The following TENM3 variants were observed in gnomAD, a reference collection of about 807,000 sequenced individuals.
The protein encoded by TENM3 is teneurin-3.
Under a neutral mutation model 255.1 loss-of-function variants are expected in TENM3, and 63 were observed. The observed-to-expected ratio is 0.25, with a 90% CI of 0.20 to 0.30. The LOEUF is 0.30. Among genes scored for constraint, TENM3 ranks in the 10% least tolerant of loss-of-function variants. TENM3 has a pLI of 1.00. For missense variants in TENM3, 2,929 were observed against 3,461.1 expected, an observed-to-expected ratio of 0.85 and a Z score of 3.86; for synonymous variants, 1,306 against 1,322.3, an observed-to-expected ratio of 0.99 and a Z score of 0.27.
chr4:182,344,738 A>T (rs1764690551), intron 2 of TENM3, among the ~76,000 whole-genome samples: 1 of 152,136 alleles, frequency 6.6e-6, no homozygotes, highest in South Asian at 2.1e-4. Flanking sequence ...ATTATTTTGC[A>T]TCCTTATTTT....
chr4:181,896,620 G>T, the TENM3 span, among the ~76,000 whole-genome samples: 2 of 152,196 alleles, frequency 1.3e-5, no homozygotes, highest in African/African-American at 4.8e-5. Flanking sequence ...ACACACATGA[G>T]AAATGAGGAT....
At chr4:182,286,639 C>T (rs551805170) in intron 1 of TENM3, among the ~76,000 whole-genome samples, 41 of 152,280 alleles carry the variant, frequency 2.7e-4, no homozygotes, top group African/African-American at 8.4e-4. Flanking sequence ...CAATTGTTGA[C>T]ACTTCTCAGA....
At chr4:182,147,346 T>G (rs112331720) in intron 1 of TENM3, among the ~76,000 whole-genome samples, 1 of 152,196 alleles carries the variant, frequency 6.6e-6, no homozygotes, top group South Asian at 2.1e-4. Flanking sequence ...ATAGGGATAC[T>G]AGGGAATAAG....
At chr4:181,661,789 A>C in the TENM3 span, among the ~76,000 whole-genome samples, 123,562 of 151,770 alleles carry the variant, frequency 0.81, 50,909 homozygotes, top group African/African-American at 0.92. Flanking sequence ...TTAATAAGTC[A>C]ATAAAACAGT....
chr4:182,160,224 G>C (rs974128624), intron 1 of TENM3, among the ~76,000 whole-genome samples: 7 of 151,538 alleles, frequency 4.6e-5, no homozygotes, highest in African/African-American at 7.3e-5. Context: ...GGATGGTCTC[G>C]ATCTCCTGAC....
At chr4:181,763,297 T>G in the TENM3 span, among the ~76,000 whole-genome samples, 1 of 152,172 alleles carries the variant, frequency 6.6e-6, no homozygotes, top group African/African-American at 2.4e-5. Flanking sequence ...AGTTATCTTC[T>G]TAGTCATCAT....
At chr4:181,555,568 G>C in the TENM3 span, among the ~76,000 whole-genome samples, 13 of 152,096 alleles carry the variant, frequency 8.5e-5, no homozygotes, top group African/African-American at 2.7e-4. Context: ...TTCTAACTTA[G>C]GCTTTCCCTT....
chr4:182,366,095 T>C (rs1766413379), intron 3 of TENM3, among the ~76,000 whole-genome samples: 1 of 152,112 alleles, frequency 6.6e-6, no homozygotes, highest in African/African-American at 2.4e-5. Context: ...TGGACATGGA[T>C]TTTTTTCTTA....
the TENM3 span, among the ~76,000 whole-genome samples, chr4:181,474,036 G>C: frequency 1.3e-5 from 2 of 151,832 alleles, no homozygotes; most frequent in African/African-American, 4.8e-5. Flanking sequence ...CTAATACACT[G>C]TAAAAGACTA....
the TENM3 span, among the ~76,000 whole-genome samples, chr4:181,980,614 A>G: frequency 6.6e-6 from 1 of 152,172 alleles, no homozygotes; most frequent in Admixed American, 6.6e-5. Context: ...TTCTATTTTT[A>G]GTCTCACCCT....
intron 1 of TENM3, among the ~76,000 whole-genome samples, chr4:182,182,590 A>G (rs1212628291): frequency 3.9e-5 from 6 of 152,196 alleles, no homozygotes; most frequent in African/African-American, 1.4e-4. Context: ...ATTATTCTAA[A>G]TGACAGAAGT....
intron 5 of TENM3, among the ~76,000 whole-genome samples, chr4:182,644,423 A>C (rs991051015): frequency 3.3e-5 from 5 of 152,180 alleles, no homozygotes; most frequent in African/African-American, 1.2e-4. Flanking sequence ...TTTGGTTTCA[A>C]GTGTTCCACA....
chr4:182,287,426 G>T (rs1040091438), intron 1 of TENM3, among the ~76,000 whole-genome samples: 1 of 152,056 alleles, frequency 6.6e-6, no homozygotes, highest in African/African-American at 2.4e-5. Context: ...CGCTTGAAAT[G>T]CCCTTTCACC....
At chr4:182,602,718 G>A (rs1457736875) in intron 4 of TENM3, among the ~76,000 whole-genome samples, 2 of 152,034 alleles carry the variant, frequency 1.3e-5, no homozygotes, top group Admixed American at 6.6e-5. Context: ...TCATGTATAC[G>A]GATTTTTTTT....
intron 3 of TENM3, among the ~76,000 whole-genome samples, chr4:182,399,665 C>T (rs575297356): frequency 7.9e-5 from 12 of 152,324 alleles, no homozygotes; most frequent in South Asian, 4.1e-4. Flanking sequence ...AGCTGTACAA[C>T]GCACTGCTTG....
intron 3 of TENM3, among the ~76,000 whole-genome samples, chr4:182,535,695 G>A (rs59700174): frequency 0.11 from 16,176 of 151,200 alleles, 1,602 homozygotes; most frequent in African/African-American, 0.25. Context: ...AGCTATGATC[G>A]CGCCACTGCA....
chr4:182,602,552 G>T lies in TENM3; in HGVS notation c.749+1391G>T, dbSNP rs182776101. Among the ~76,000 whole-genome samples the T allele has an allele frequency of 4.1e-4, 62 of 152,248 alleles. 1 individual carries two copies. The East Asian group carries it at 8.5e-3, about 21-fold the overall frequency. On this transcript the variant is annotated intron_variant, in intron 4 of 27. Transcript: ENST00000511685. The stretch of plus-strand genomic sequence containing the variant: ...CTTTTACTCTTGACCTAAGAACAAG[G>T]TTCTAAAGAACTCTTATCTTTTTAT...
chr4:182,681,758 TGCATGCAC>T, intron 10 of TENM3, 48 bp from the exon 11 acceptor site: 1 of 1,250,156 alleles, frequency 8.0e-7, no homozygotes, highest in Admixed American at 2.4e-5. Context: ...TTCTTTTTTC[TGCATGCAC>T]TATGATATCT....
At chr4:181,839,514 CT>C in the TENM3 span, among the ~76,000 whole-genome samples, 6 of 146,790 alleles carry the variant, frequency 4.1e-5, no homozygotes, top group African/African-American at 1.2e-4. Flanking sequence ...ATGATATATA[CT>C]ATTATATACA....
Sources: gnomAD v4.1 joint callset for allele counts (sites outside exome capture counted in the v4.1 genomes callset) on GRCh38, gnomAD v4.1.1 for gene constraint, MANE v1.5 for transcripts, NCBI Gene and HGNC (gene_info 2026-07-23, HGNC 2026-07-21) for gene names.